Variants in ZNF880 observed in about 807,000 individuals in gnomAD.
ZNF880 encodes the protein zinc finger protein 880.
A neutral mutation model predicts 11.8 loss-of-function variants in ZNF880; 12 were observed. The ratio of observed to expected loss-of-function variants is 1.02; its 90% CI spans 0.65 to 1.65. The LOEUF is 1.65. ZNF880 is among the 40% of genes most tolerant of loss of function. The probability of loss-of-function intolerance (pLI) is 0.00; values close to 1 mark genes in which losing one functional copy is unlikely to be tolerated. For synonymous variants in ZNF880, 210 were observed against 232.4 expected (o/e 0.90, Z 0.88); for missense variants, 601 against 673.9 (o/e 0.89, Z 1.20).
chr19:52,378,018 C>T (rs1003808443), intron 3 of ZNF880, among the ~76,000 whole-genome samples: 1 of 152,024 alleles, frequency 6.6e-6, no homozygotes, highest in African/African-American at 2.4e-5. Context: ...TCTCAGTCTC[C>T]AGCCCCTCTT....
chr19:52,378,204 G>A (rs1600249023), intron 3 of ZNF880, among the ~76,000 whole-genome samples: 1 of 152,268 alleles, frequency 6.6e-6, no homozygotes, highest in Admixed American at 6.5e-5. Context: ...AGGAGCCAAC[G>A]AAGAGACCAA....
intron 3 of ZNF880, among the ~76,000 whole-genome samples, chr19:52,377,609 T>G (rs1027872336): frequency 9.2e-5 from 14 of 152,282 alleles, no homozygotes; most frequent in African/African-American, 3.4e-4. Context: ...TGGGGTTCCC[T>G]CAAGCCCCTT....
intron 3 of ZNF880, among the ~76,000 whole-genome samples, chr19:52,375,646 A>G (rs879012168): frequency 1.1e-4 from 17 of 149,756 alleles, no homozygotes; most frequent in Non-Finnish European, 2.1e-4. Flanking sequence ...TTTATCCCTC[A>G]CCCCCCTCCC....
intron 3 of ZNF880, chr19:52,379,704 A>G (rs571599705): frequency 4.5e-6 from 1 of 221,054 alleles, no homozygotes; most frequent in African/African-American, 2.4e-5. Context: ...TCAGCCTCCC[A>G]AAGTTCTGGG....
rs56151179 is a variant in ZNF880, at chr19:52,384,957, T to C, written c.1377T>C (p.Thr459=). ...TAAGCAATCATCAGAGATTTCATACTGGAGAGAAACCTTACAGATGTGATG... is the reference window on the plus strand; with the variant it reads ...TAAGCAATCATCAGAGATTTCATACCGGAGAGAAACCTTACAGATGTGATG... ...LSLSNHQRFH[T]GEKPYRCDEC... is the part of the protein sequence containing the mutation. Residue 459 remains threonine (T), a synonymous_variant, in exon 4 of 4, where the codon ACT becomes ACC. Coordinates refer to ENST00000422689, the MANE Select transcript of ZNF880 (RefSeq NM_001145434.2). 0.39 allele frequency: 612,696 copies of C among 1,575,610 alleles called. 120,745 individuals are homozygous for C. The highest frequency in any genetic ancestry group is 0.52 in the South Asian group (45,150 of 86,520).
At chr19:52,369,801 C>T (rs10423818), upstream of ZNF880, 3,576 of 747,874 alleles carry the variant, frequency 4.8e-3, 54 homozygotes, top group African/African-American at 0.035. Context: ...CTGAGTTCTT[C>T]CAGTCTCCAC....
rs542088518 is a variant in ZNF880, at chr19:52,380,828, C to T, written c.269-3021C>T. On this transcript the variant is annotated intron_variant, in intron 3 of 3. Transcript: ENST00000422689. ...AGTAGCTGGGACTACAGGCATGTAC[C>T]ACCATGCCTGGCTAATTTTTAAAAA... Among the ~76,000 whole-genome samples, 172 of 152,196 alleles carry T rather than the reference C, an allele frequency of 1.1e-3. 1 individual carries two copies. Among genetic ancestry groups the T allele is most frequent in the Admixed American group, 3.6e-3 (55 of 15,274 alleles).
At chr19:52,369,062 GAAA>G (rs76182462), upstream of ZNF880, among the ~76,000 whole-genome samples, 112,612 of 142,270 alleles carry the variant, frequency 0.79, 44,451 homozygotes, top group Middle Eastern at 0.87. Flanking sequence ...ATATAAATAT[GAAA>G]AAAAAAAAAA....
intron 1 of ZNF880, among the ~76,000 whole-genome samples, chr19:52,372,648 T>G (rs113118090): frequency 0.032 from 4,576 of 144,264 alleles, 101 homozygotes; most frequent in Non-Finnish European, 0.048. Flanking sequence ...ATGCCTGTAA[T>G]CCCAGCACTT....
intron 2 of ZNF880, among the ~76,000 whole-genome samples, 166 bp from the exon 3 acceptor site, chr19:52,374,133 T>C (rs1986481287): frequency 6.6e-6 from 1 of 150,840 alleles, no homozygotes; most frequent in Non-Finnish European, 1.5e-5. Flanking sequence ...TGGCGCGATC[T>C]TGGCTCACTG....
At chr19:52,370,061 C>A in intron 1 of ZNF880, 84 bp downstream of exon 1, 1 of 1,494,502 alleles carries the variant, frequency 6.7e-7, no homozygotes, top group Non-Finnish European at 9.1e-7. Context: ...GTCACACAGA[C>A]CTTGAAATCC....
chr19:52,379,199 T>C (rs779137748), intron 3 of ZNF880, among the ~76,000 whole-genome samples: 32 of 151,336 alleles, frequency 2.1e-4, no homozygotes, highest in Non-Finnish European at 3.2e-4. Flanking sequence ...GGAATGGCCA[T>C]TGATTTATAT....
At chr19:52,390,535 TG>T, downstream of ZNF880, 1 of 193,114 alleles carries the variant, frequency 5.2e-6, no homozygotes, top group Non-Finnish European at 1.1e-5. Context: ...CCACAGGAAA[TG>T]GGCTCTTGAG....
At chr19:52,383,674 T>TG (rs1986767012) in intron 3 of ZNF880, among the ~76,000 whole-genome samples, 175 bp from the exon 4 acceptor site, 1 of 152,196 alleles carries the variant, frequency 6.6e-6, no homozygotes, top group African/African-American at 2.4e-5. Context: ...GGTTCCCCAC[T>TG]GCTCCAGTGC....
At chr19:52,380,335 A>G (rs955156311) in intron 3 of ZNF880, among the ~76,000 whole-genome samples, 1 of 151,376 alleles carries the variant, frequency 6.6e-6, no homozygotes, top group Admixed American at 6.6e-5. Flanking sequence ...TCCATATTGG[A>G]TGTGAGATGA....
At chr19:52,370,703 GA>G (rs1265205442) in intron 1 of ZNF880, 1 of 152,192 alleles carries the variant, frequency 6.6e-6, no homozygotes, top group Non-Finnish European at 1.5e-5. Context: ...CTGACTTTTT[GA>G]AATAGTTTGA....
intron 3 of ZNF880, among the ~76,000 whole-genome samples, chr19:52,381,658 C>T (rs1986709543): frequency 6.6e-6 from 1 of 151,764 alleles, no homozygotes; most frequent in South Asian, 2.1e-4. Flanking sequence ...ATTTTTTTCC[C>T]CTACATGTCT....
chr19:52,369,822 G>A, upstream of ZNF880: 1 of 1,006,886 alleles, frequency 9.9e-7, no homozygotes, highest in Non-Finnish European at 1.5e-6. Context: ...GGCAGGTCTA[G>A]CCTCCAAAAC....
At chr19:52,376,501 CCCCCCCCCT>C (rs1986557593) in intron 3 of ZNF880, among the ~76,000 whole-genome samples, 1 of 26,704 alleles carries the variant, frequency 3.7e-5, no homozygotes, top group Non-Finnish European at 8.4e-5. Context: ...GCACCGCCCC[CCCCCCCCCT>C]TTTTTTTTTT....
Sources: gnomAD v4.1 joint callset for allele counts (sites outside exome capture counted in the v4.1 genomes callset) on GRCh38, gnomAD v4.1.1 for gene constraint, MANE v1.5 for transcripts, NCBI Gene and HGNC (gene_info 2026-07-23, HGNC 2026-07-21) for gene names.